Variants in PTPRK observed in about 807,000 individuals in gnomAD.
The protein encoded by PTPRK is receptor-type tyrosine-protein phosphatase kappa.
In PTPRK, 75 loss-of-function variants were observed where a neutral mutation model predicts 178.0. The observed-to-expected ratio is 0.42, with a 90% CI of 0.35 to 0.51. The LOEUF is 0.51. Ranked by LOEUF, PTPRK falls within the 20% of genes least tolerant of loss-of-function variation. The probability of loss-of-function intolerance (pLI) is 0.02; values close to 1 mark genes in which losing one functional copy is unlikely to be tolerated. For synonymous variants in PTPRK, 637 were observed against 620.6 expected (o/e 1.03, Z -0.39); for missense variants, 1,441 against 1,797.8 (o/e 0.80, Z 3.59).
chr6:128,466,710 G>A lies in PTPRK; in HGVS notation c.100+53549C>T, dbSNP rs1849889699. Among the ~76,000 whole-genome samples the A allele has an allele frequency of 2.6e-5, 4 of 152,118 alleles. No homozygotes were observed. The South Asian group carries it at 8.3e-4, about 32-fold the overall frequency. ...AATGTTGCACACAATATACAATATG[G>A]CTCATTTTAATTGAATATACAAGGA... On this transcript the variant is annotated intron_variant, in intron 1 of 29. Coordinates refer to ENST00000368226, the MANE Select transcript of PTPRK (RefSeq NM_002844.4).
At chr6:128,468,970 G>A (rs909933582) in intron 1 of PTPRK, among the ~76,000 whole-genome samples, 2 of 150,476 alleles carry the variant, frequency 1.3e-5, no homozygotes, top group Admixed American at 1.3e-4. Context: ...ACCAACATAG[G>A]GTAAGTTTCT....
chr6:128,177,298 C>G (rs1012689491), intron 7 of PTPRK, among the ~76,000 whole-genome samples: 1 of 151,600 alleles, frequency 6.6e-6, no homozygotes, highest in African/African-American at 2.4e-5. Flanking sequence ...ACTTTTAAAG[C>G]CATTTCTACT....
intron 1 of PTPRK, among the ~76,000 whole-genome samples, chr6:128,470,445 C>A (rs891117455): frequency 6.6e-6 from 1 of 151,922 alleles, no homozygotes; most frequent in South Asian, 2.1e-4. Context: ...ATCAATCCAA[C>A]GTAAGTTCAC....
intron 2 of PTPRK, among the ~76,000 whole-genome samples, chr6:128,339,507 T>C (rs1831378386): frequency 6.6e-6 from 1 of 152,134 alleles, no homozygotes; most frequent in African/African-American, 2.4e-5. Context: ...CTGATCAGCA[T>C]TCAATTCAAA....
intron 3 of PTPRK, among the ~76,000 whole-genome samples, chr6:128,260,037 C>G (rs1243788488): frequency 6.6e-6 from 1 of 152,066 alleles, no homozygotes; most frequent in East Asian, 1.9e-4. Context: ...ATGAGTTTCA[C>G]TTTTCATTTT....
chr6:128,241,948 ATTTTT>A (rs1202951832), intron 4 of PTPRK, among the ~76,000 whole-genome samples: 2 of 126,256 alleles, frequency 1.6e-5, no homozygotes, highest in African/African-American at 6.0e-5. Flanking sequence ...CGCCTGGCTA[ATTTTT>A]TTTTTTTTTT....
chr6:128,350,564 A>C (rs934059495), intron 2 of PTPRK, among the ~76,000 whole-genome samples: 2 of 152,190 alleles, frequency 1.3e-5, no homozygotes, highest in African/African-American at 4.8e-5. Context: ...GAAAGGTGCA[A>C]TCTGTCTCCA....
intron 7 of PTPRK, among the ~76,000 whole-genome samples, chr6:128,135,078 TCACACACACACACACA>T (rs34254716): frequency 2.2e-5 from 3 of 136,276 alleles, no homozygotes; most frequent in Non-Finnish European, 3.2e-5. Flanking sequence ...AATCATTCAA[TCACACACACACACACA>T]CACACACACA....
At chr6:128,353,620 T>A (rs1392344363) in intron 2 of PTPRK, among the ~76,000 whole-genome samples, 2 of 152,108 alleles carry the variant, frequency 1.3e-5, no homozygotes, top group Non-Finnish European at 2.9e-5. Flanking sequence ...ATACATACCA[T>A]ATACATACAT....
At chr6:128,442,683 T>C (rs539686837) in intron 1 of PTPRK, among the ~76,000 whole-genome samples, 2 of 152,320 alleles carry the variant, frequency 1.3e-5, no homozygotes, top group South Asian at 4.1e-4. Context: ...TAACGAAAAG[T>C]ATCTTCAAAC....
chr6:128,464,630 T>TAC (rs1562576056), intron 1 of PTPRK, among the ~76,000 whole-genome samples: 3 of 55,036 alleles, frequency 5.5e-5, no homozygotes, highest in African/African-American at 2.3e-4. Context: ...CATATATATA[T>TAC]ATATACACAT....
intron 7 of PTPRK, among the ~76,000 whole-genome samples, chr6:128,179,545 T>A (rs930810886): frequency 1.3e-5 from 2 of 151,956 alleles, no homozygotes; most frequent in Non-Finnish European, 2.9e-5. Context: ...CATATAAAGA[T>A]CATATATAAG....
At chr6:128,202,696 A>C (rs1434240067) in intron 6 of PTPRK, among the ~76,000 whole-genome samples, 1 of 152,182 alleles carries the variant, frequency 6.6e-6, no homozygotes, top group African/African-American at 2.4e-5. Context: ...AGTCAACTCA[A>C]TTTGAATTTG....
chr6:128,018,566 T>G (rs1779871547), intron 13 of PTPRK, among the ~76,000 whole-genome samples: 2 of 151,956 alleles, frequency 1.3e-5, no homozygotes, highest in African/African-American at 4.8e-5. Flanking sequence ...AAGTTGACCT[T>G]AGGTAAGTTA....
Position 128,152,582 on chromosome 6 carries a change from G to T in PTPRK, c.1162+31850C>A, listed in dbSNP as rs537569885. On this transcript the variant is annotated intron_variant, in intron 7 of 29. Transcript: ENST00000368226. ...AAAAAAAAAAAATCAATGTAGTGAG[G>T]AGGAAGAGGTTGAATTGATAAGTTT... is the stretch of plus-strand genomic sequence containing the variant. 5.3e-5 allele frequency among the ~76,000 whole-genome samples: 8 copies of T among 151,926 alleles called. No homozygotes were observed. In the South Asian group the frequency reaches 1.7e-3, roughly 32 times the overall value.
At chr6:128,365,487 T>C (rs1835352815) in intron 2 of PTPRK, among the ~76,000 whole-genome samples, 1 of 152,138 alleles carries the variant, frequency 6.6e-6, no homozygotes, top group East Asian at 1.9e-4. Flanking sequence ...ACTTAGATTA[T>C]AAAATGCCTT....
chr6:128,014,998 C>G (rs181380580), intron 13 of PTPRK, among the ~76,000 whole-genome samples: 2 of 151,632 alleles, frequency 1.3e-5, no homozygotes, highest in East Asian at 3.9e-4. Flanking sequence ...TGGACGTGAT[C>G]CAAAGATTTC....
chr6:128,326,743 T>G (rs1051392833), intron 2 of PTPRK, among the ~76,000 whole-genome samples: 1 of 152,140 alleles, frequency 6.6e-6, no homozygotes, highest in Non-Finnish European at 1.5e-5. Context: ...TATTATCTGG[T>G]GGGCTGTAAT....
At chr6:128,153,587 G>T (rs1328596953) in intron 7 of PTPRK, among the ~76,000 whole-genome samples, 17 of 151,736 alleles carry the variant, frequency 1.1e-4, no homozygotes, top group Non-Finnish European at 1.5e-5. Flanking sequence ...TATTTTTCAC[G>T]GCAGCTCTAC....
Sources: allele counts gnomAD v4.1 joint callset (sites outside exome capture counted in the v4.1 genomes callset), GRCh38; gene constraint gnomAD v4.1.1; transcripts MANE v1.5; gene names NCBI Gene and HGNC (gene_info 2026-07-23, HGNC 2026-07-21).